The following MEGF11 variants were observed in gnomAD, a reference collection of about 807,000 sequenced individuals.
MEGF11 encodes multiple EGF like domains 11.
Under a neutral mutation model 146.6 loss-of-function variants are expected in MEGF11, and 126 were observed. That is an observed-to-expected ratio of 0.86 (90% confidence interval 0.74 to 1.00). MEGF11 has a LOEUF of 1.00. Ranked by LOEUF, MEGF11 falls within the 50% of genes least tolerant of loss-of-function variation. MEGF11 has a pLI of 0.00. For missense variants in MEGF11, 1,509 were observed against 1,521.2 expected, an observed-to-expected ratio of 0.99 and a Z score of 0.13; for synonymous variants, 532 against 583.4, an observed-to-expected ratio of 0.91 and a Z score of 1.27.
chr15:66,063,503 C>T (rs2084992304), intron 5 of MEGF11, among the ~76,000 whole-genome samples: 1 of 152,196 alleles, frequency 6.6e-6, no homozygotes, highest in African/African-American at 2.4e-5. Context: ...GCCTGGCCTT[C>T]ATTCTTGGGC....
rs531301663 is a variant in MEGF11 at position 66,183,257 on chromosome 15, T to A, written c.-8-54846A>T. The stretch of plus-strand genomic sequence containing the variant: ...GCTCACGCCTGTAATCCCAGCACTT[T>A]GGGAGGCTGAGATGGGAGGATCGCC... On this transcript the variant is annotated intron_variant, in intron 1 of 25. Coordinates refer to ENST00000395614, the MANE Select transcript of MEGF11 (RefSeq NM_001385028.1). Among the ~76,000 whole-genome samples the A allele has an allele frequency of 1.7e-3, 266 of 152,178 alleles. 1 individual carries two copies. The highest frequency in any genetic ancestry group is 6.2e-3 in the African/African-American group (258 of 41,520).
intron 1 of MEGF11, among the ~76,000 whole-genome samples, chr15:66,150,822 TCGAGAG>T (rs1304115105): frequency 1.1e-3 from 101 of 90,074 alleles, no homozygotes; most frequent in African/African-American, 4.2e-3. Flanking sequence ...CAATGCCCTG[TCGAGAG>T]AGAGAGAGAG....
At chr15:65,959,106 T>C (rs892601796) in intron 9 of MEGF11, among the ~76,000 whole-genome samples, 1 of 152,236 alleles carries the variant, frequency 6.6e-6, no homozygotes, top group Admixed American at 6.5e-5. Flanking sequence ...CCTCTAAATA[T>C]AATTATCTTC....
At chr15:65,912,023 G>T in intron 21 of MEGF11, 59 bp downstream of exon 21, 1 of 994,706 alleles carries the variant, frequency 1.0e-6, no homozygotes, top group Non-Finnish European at 1.3e-6. Context: ...TTCCTGGGCA[G>T]AGGTGAGGGT....
chr15:66,047,354 C>G (rs1691665238), intron 5 of MEGF11, among the ~76,000 whole-genome samples: 1 of 152,204 alleles, frequency 6.6e-6, no homozygotes, highest in Admixed American at 6.5e-5. Flanking sequence ...CATCTCTAAG[C>G]CTCGATTTCT....
rs890007689 is a variant in MEGF11 at position 66,224,668 on chromosome 15, ATATT to A, written c.-9+28933_-9+28936del. On this transcript the variant is annotated intron_variant, in intron 1 of 25. Coordinates refer to ENST00000395614, the MANE Select transcript of MEGF11 (RefSeq NM_001385028.1). ...TATTATATATTTATATATAAAGTAT[ATATT>A]TATATATAATATATAAAGTATATAT... 3.4e-5 allele frequency among the ~76,000 whole-genome samples: 5 copies of A among 146,042 alleles called. No individual in the cohort carries two copies. In the East Asian group the frequency reaches 6.0e-4, roughly 18 times the overall value.
chr15:66,227,962 G>A (rs1157514992), intron 1 of MEGF11, among the ~76,000 whole-genome samples: 1 of 152,130 alleles, frequency 6.6e-6, no homozygotes, highest in Non-Finnish European at 1.5e-5. Flanking sequence ...CATCTGGGGT[G>A]AGGCCACAGA....
At chr15:66,106,700 T>C (rs1411452628) in intron 4 of MEGF11, among the ~76,000 whole-genome samples, 1 of 152,102 alleles carries the variant, frequency 6.6e-6, no homozygotes, top group Non-Finnish European at 1.5e-5. Context: ...CTCACGTGGA[T>C]TGGGAGCAGC....
chr15:66,228,594 G>A (rs1041895573), intron 1 of MEGF11, among the ~76,000 whole-genome samples: 4 of 151,946 alleles, frequency 2.6e-5, no homozygotes, highest in Admixed American at 2.6e-4. Context: ...GAGAGAAGAT[G>A]GCTCCCCATT....
intron 1 of MEGF11, among the ~76,000 whole-genome samples, chr15:66,189,247 G>C (rs186074714): frequency 7.1e-4 from 108 of 152,316 alleles, no homozygotes; most frequent in Non-Finnish European, 1.4e-3. Context: ...GCACTAGGGA[G>C]GGGAGGCCAA....
chr15:66,067,204 G>A (rs2140446409), intron 5 of MEGF11, among the ~76,000 whole-genome samples: 1 of 152,272 alleles, frequency 6.6e-6, no homozygotes, highest in African/African-American at 2.4e-5. Context: ...GCTTTGCCCA[G>A]GTCTAATGTT....
rs534834692 is a variant in MEGF11 at position 66,020,759 on chromosome 15, G to A, written c.395-38271C>T. 1.1e-4 allele frequency among the ~76,000 whole-genome samples: 16 copies of A among 152,236 alleles called. No individual in the cohort carries two copies. The East Asian group carries it at 3.1e-3, about 29-fold the overall frequency. On this transcript the variant is annotated intron_variant, in intron 5 of 25. Coordinates refer to ENST00000395614, the MANE Select transcript of MEGF11 (RefSeq NM_001385028.1). ...TGTAATCCCAGCACTTTGGGAGGCC[G>A]AGGTAGGCGGATCACGAGGTCAGGA...
chr15:66,070,742 T>A (rs1467504299), intron 5 of MEGF11, among the ~76,000 whole-genome samples: 3 of 152,078 alleles, frequency 2.0e-5, no homozygotes, highest in African/African-American at 7.2e-5. Context: ...TCCTCATCTG[T>A]GGAATGGGAA....
chr15:66,213,829 T>TCTCCA (rs1467782476), intron 1 of MEGF11, among the ~76,000 whole-genome samples: 1 of 152,052 alleles, frequency 6.6e-6, no homozygotes, highest in Non-Finnish European at 1.5e-5. Flanking sequence ...CAGCAAGCTC[T>TCTCCA]CTCCACCCTG....
At chr15:66,233,834 G>T (rs1158346118) in intron 1 of MEGF11, among the ~76,000 whole-genome samples, 1 of 152,060 alleles carries the variant, frequency 6.6e-6, no homozygotes, top group Non-Finnish European at 1.5e-5. Context: ...TATGAGGAAC[G>T]CCTGCCAAAG....
chr15:66,171,672 A>C (rs1466624889), intron 1 of MEGF11, among the ~76,000 whole-genome samples: 1 of 151,180 alleles, frequency 6.6e-6, no homozygotes, highest in Non-Finnish European at 1.5e-5. Context: ...TGCTCCCCCA[A>C]AGCCGATCTG....
At chr15:66,243,558 G>A (rs1168816867) in intron 1 of MEGF11, among the ~76,000 whole-genome samples, 3 of 152,208 alleles carry the variant, frequency 2.0e-5, no homozygotes, top group African/African-American at 7.2e-5. Flanking sequence ...TGGAAGAGTT[G>A]TGAGATGCCA....
chr15:66,141,233 GGTGTGTGTGTGTGTGTGTGTGTGTGTGT>G (rs572801225), intron 1 of MEGF11, among the ~76,000 whole-genome samples: 1 of 97,204 alleles, frequency 1.0e-5, no homozygotes. Context: ...CAGACTCAGG[GGTGTGTGTGTGTGTGTGTGTGTGTGTGT>G]GTGTGTGTGT....
intron 4 of MEGF11, among the ~76,000 whole-genome samples, chr15:66,105,122 C>T (rs1004247644): frequency 1.3e-5 from 2 of 151,864 alleles, no homozygotes; most frequent in African/African-American, 2.4e-5. Context: ...TGCAGAGATG[C>T]AATTAAAAAA....
Sources: allele counts gnomAD v4.1 joint callset (sites outside exome capture counted in the v4.1 genomes callset), GRCh38; gene constraint gnomAD v4.1.1; transcripts MANE v1.5; gene names NCBI Gene and HGNC (gene_info 2026-07-23, HGNC 2026-07-21).